CHCHD6: variants seen among roughly 807,000 people sequenced by gnomAD.
CHCHD6 encodes the protein coiled-coil-helix-coiled-coil-helix domain containing 6.
CHCHD6 carries 28 observed loss-of-function variants against 32.3 expected under a neutral mutation model. The observed-to-expected ratio is 0.87, with a 90% confidence interval of 0.64 to 1.19. The LOEUF is 1.19. Among genes scored for constraint, CHCHD6 ranks in the 50% most tolerant of loss-of-function variants. The pLI is 0.00. For synonymous variants in CHCHD6, 122 were observed against 117.5 expected, an observed-to-expected ratio of 1.04 and a Z score of -0.25; for missense variants, 333 against 307.0, an observed-to-expected ratio of 1.08 and a Z score of -0.63.
intron 4 of CHCHD6, among the ~76,000 whole-genome samples, chr3:126,781,984 T>G (rs1384068263): frequency 6.6e-6 from 1 of 151,980 alleles, no homozygotes; most frequent in Non-Finnish European, 1.5e-5. Context: ...GAGAAACAGA[T>G]GTAAGATCTG....
chr3:126,812,233 A>G (rs976976802), intron 4 of CHCHD6, among the ~76,000 whole-genome samples: 15 of 151,816 alleles, frequency 9.9e-5, no homozygotes, highest in African/African-American at 3.1e-4. Flanking sequence ...GAGGGCCTCA[A>G]CATGCAAGTT....
chr3:126,727,495 C>A (rs1378053218), intron 2 of CHCHD6, among the ~76,000 whole-genome samples: 1 of 152,224 alleles, frequency 6.6e-6, no homozygotes, highest in Admixed American at 6.5e-5. Context: ...TCAGAGGCGG[C>A]ATAGCCATGA....
At chr3:126,764,981 G>A (rs1427921966) in intron 4 of CHCHD6, among the ~76,000 whole-genome samples, 2 of 152,102 alleles carry the variant, frequency 1.3e-5, no homozygotes, top group Non-Finnish European at 2.9e-5. Flanking sequence ...TGGGACTGGC[G>A]GGACAGACAC....
Position 126,913,386 on chromosome 3 carries a change from C to T in CHCHD6, c.496-1294C>T, listed in dbSNP as rs368562958. On this transcript the variant is annotated intron_variant, in intron 5 of 7. Transcript: ENST00000290913. ...CTGGGATTACAGGCACCCGCCACCA[C>T]ACCCAGCTAATTTTTTTTTTGTATT... is the stretch of plus-strand genomic sequence containing the variant. Among the ~76,000 whole-genome samples the T allele has an allele frequency of 3.2e-4, 48 of 151,912 alleles. 1 individual carries two copies. The South Asian group carries it at 3.3e-3, about 11-fold the overall frequency.
intron 4 of CHCHD6, among the ~76,000 whole-genome samples, chr3:126,797,488 G>T (rs1375010538): frequency 6.6e-6 from 1 of 152,200 alleles, no homozygotes; most frequent in Non-Finnish European, 1.5e-5. Context: ...CTTATTTGTA[G>T]ATGGAAAATG....
chr3:126,755,812 A>ATG (rs1158795792), intron 4 of CHCHD6, among the ~76,000 whole-genome samples: 3 of 150,286 alleles, frequency 2.0e-5, no homozygotes, highest in South Asian at 2.1e-4. Flanking sequence ...ACTGTTGTCT[A>ATG]TGTGTGTGTG....
intron 5 of CHCHD6, among the ~76,000 whole-genome samples, chr3:126,887,830 T>A (rs75015155): frequency 9.2e-5 from 14 of 152,348 alleles, no homozygotes; most frequent in African/African-American, 3.4e-4. Context: ...TCCTTTTTGC[T>A]GAATGAGAAT....
intron 6 of CHCHD6, among the ~76,000 whole-genome samples, chr3:126,923,949 C>T (rs2078288288): frequency 6.6e-6 from 1 of 152,192 alleles, no homozygotes; most frequent in Non-Finnish European, 1.5e-5. Context: ...GAGCCCACAG[C>T]TCTCCTTTTG....
chr3:126,729,062 A>G lies in CHCHD6; in HGVS notation c.197-1499A>G, dbSNP rs143735084. Among the ~76,000 whole-genome samples, 14 of 152,368 alleles carry G rather than the reference A, an allele frequency of 9.2e-5. No homozygotes were observed. In the East Asian group the frequency reaches 2.7e-3, roughly 29 times the overall value. ...CAGAGGAAATAAAAGATTGAAATGT[A>G]TGGCTTGAAGCCATGAAAGTACAAT... On this transcript the variant is annotated intron_variant, in intron 2 of 7. Coordinates refer to ENST00000290913, the MANE Select transcript of CHCHD6 (RefSeq NM_032343.3).
At chr3:126,768,876 T>C (rs984890173) in intron 4 of CHCHD6, among the ~76,000 whole-genome samples, 4 of 152,232 alleles carry the variant, frequency 2.6e-5, no homozygotes, top group Non-Finnish European at 5.9e-5. Flanking sequence ...TGCCCACTTC[T>C]TAATGGGGTT....
At chr3:126,822,838 G>A (rs953715730) in intron 4 of CHCHD6, among the ~76,000 whole-genome samples, 3 of 152,084 alleles carry the variant, frequency 2.0e-5, no homozygotes, top group Admixed American at 2.0e-4. Context: ...AATGATCTGT[G>A]TTAGTAACAC....
At chr3:126,744,853 A>G (rs1240905142) in intron 4 of CHCHD6, among the ~76,000 whole-genome samples, 1 of 152,048 alleles carries the variant, frequency 6.6e-6, no homozygotes, top group Non-Finnish European at 1.5e-5. Flanking sequence ...ACACCTGGCT[A>G]ATTTTTATAT....
chr3:126,772,142 C>G (rs1208134198), intron 4 of CHCHD6, among the ~76,000 whole-genome samples: 1 of 152,150 alleles, frequency 6.6e-6, no homozygotes, highest in African/African-American at 2.4e-5. Flanking sequence ...TGCTTTGTCA[C>G]CCAGGCTGGA....
At chr3:126,787,722 T>G (rs1053995878) in intron 4 of CHCHD6, among the ~76,000 whole-genome samples, 1 of 152,226 alleles carries the variant, frequency 6.6e-6, no homozygotes, top group Non-Finnish European at 1.5e-5. Flanking sequence ...AAGGAGATTT[T>G]GGGCTGAGAC....
chr3:126,804,796 C>T (rs1286754699), intron 4 of CHCHD6, among the ~76,000 whole-genome samples: 1 of 152,084 alleles, frequency 6.6e-6, no homozygotes, highest in Non-Finnish European at 1.5e-5. Context: ...ATGCAAAAAT[C>T]CTCAATAAAA....
At chr3:126,820,872 T>C (rs1368380279) in intron 4 of CHCHD6, among the ~76,000 whole-genome samples, 3 of 152,236 alleles carry the variant, frequency 2.0e-5, no homozygotes, top group African/African-American at 7.2e-5. Flanking sequence ...TACTGTTCAT[T>C]GTTTTTAGTA....
At chr3:126,754,029 C>T (rs533357858) in intron 4 of CHCHD6, among the ~76,000 whole-genome samples, 4 of 152,346 alleles carry the variant, frequency 2.6e-5, no homozygotes, top group Admixed American at 2.6e-4. Flanking sequence ...GTCCCAGCAG[C>T]ATTGACATCC....
intron 5 of CHCHD6, among the ~76,000 whole-genome samples, chr3:126,863,909 C>G (rs1399030701): frequency 2.1e-5 from 3 of 146,010 alleles, no homozygotes; most frequent in Non-Finnish European, 3.1e-5. Flanking sequence ...AACACCTCCT[C>G]CTCCTCCACC....
intron 5 of CHCHD6, among the ~76,000 whole-genome samples, chr3:126,863,899 A>AACACCTCCTCCTCCTCCACCATCG (rs1942102866): frequency 7.2e-6 from 1 of 138,648 alleles, no homozygotes; most frequent in Non-Finnish European, 1.6e-5. Flanking sequence ...CTCCACCATC[A>AACACCTCCTCCTCCTCCACCATCG]ACACCTCCTC....
Sources: allele counts gnomAD v4.1 joint callset (sites outside exome capture counted in the v4.1 genomes callset), GRCh38; gene constraint gnomAD v4.1.1; transcripts MANE v1.5; gene names NCBI Gene and HGNC (gene_info 2026-07-23, HGNC 2026-07-21).